PREX2: variants seen among roughly 807,000 people sequenced by gnomAD.
PREX2 encodes the protein phosphatidylinositol-3,4,5-trisphosphate dependent Rac exchange factor 2, also known as phosphatidylinositol 3,4,5-trisphosphate-dependent Rac exchanger 2 protein.
Under a neutral mutation model 203.2 loss-of-function variants are expected in PREX2, and 107 were observed. The ratio of observed to expected loss-of-function variants is 0.53; its 90% CI spans 0.45 to 0.62. The LOEUF (loss-of-function observed/expected upper bound fraction) is 0.62, where lower values mean the gene tolerates loss of function less well. PREX2 is among the 20% of genes least tolerant of loss of function. The pLI, the probability that PREX2 is intolerant of heterozygous loss-of-function variation, is 0.00. For synonymous variants in PREX2, 672 were observed against 663.6 expected, an observed-to-expected ratio of 1.01 and a Z score of -0.19; for missense variants, 1,777 against 1,955.9, an observed-to-expected ratio of 0.91 and a Z score of 1.72.
At chr8:67,961,703 A>C (rs1333299748) in intron 1 of PREX2, among the ~76,000 whole-genome samples, 1 of 152,182 alleles carries the variant, frequency 6.6e-6, no homozygotes, top group Non-Finnish European at 1.5e-5. Flanking sequence ...TTGAAATTTT[A>C]AGAAAATGAT....
intron 1 of PREX2, among the ~76,000 whole-genome samples, chr8:67,999,381 C>G (rs1277337939): frequency 6.8e-6 from 1 of 147,594 alleles, no homozygotes; most frequent in Non-Finnish European, 1.5e-5. Context: ...TTCTTGGACA[C>G]ACCTATTCTC....
At chr8:68,156,532 C>G (rs1360801315) in intron 34 of PREX2, among the ~76,000 whole-genome samples, 1 of 152,122 alleles carries the variant, frequency 6.6e-6, no homozygotes, top group Non-Finnish European at 1.5e-5. Flanking sequence ...TTCTCTCTAC[C>G]TTTCATAGTT....
intron 20 of PREX2, among the ~76,000 whole-genome samples, chr8:68,092,020 C>T (rs12549743): frequency 0.44 from 66,466 of 151,872 alleles, 14,952 homozygotes; most frequent in African/African-American, 0.54. Flanking sequence ...AGGTTACTGA[C>T]GTGGCTGCAT....
In PREX2 at chr8:68,119,497, G is replaced by A. The variant is rs1274713858; in HGVS notation, c.3487G>A (p.Glu1163Lys). Residue 1163 changes from glutamate (E) to lysine (K), a missense_variant, in exon 28 of 40, where the codon GAG (glutamate) becomes AAG (lysine). Glu to Lys is a moderately conservative substitution (Grantham distance 56, BLOSUM62 1). Coordinates refer to ENST00000288368, the MANE Select transcript of PREX2 (RefSeq NM_024870.4). ...DKQDKIHSCLEHLFSQVDSIT... is the reference protein window; with the variant it reads ...DKQDKIHSCLKHLFSQVDSIT... The stretch of plus-strand genomic sequence containing the variant: ...ACAGGACAAGATACATAGTTGCCTT[G>A]AGCATCTTTTCAGCCAGGTACAATC... 3 of 1,613,310 alleles carry A rather than the reference G, an allele frequency of 1.9e-6. No homozygotes were observed. In the African/African-American group the frequency reaches 4.0e-5, roughly 22 times the overall value.
intron 20 of PREX2, among the ~76,000 whole-genome samples, chr8:68,092,825 G>T (rs1249695288): frequency 6.6e-6 from 1 of 151,936 alleles, no homozygotes. Context: ...TTATTTTGTT[G>T]TCTTATTAAA....
chr8:68,100,322 G>T (rs1810222674), intron 23 of PREX2: 1 of 395,860 alleles, frequency 2.5e-6, no homozygotes, highest in Non-Finnish European at 4.9e-6. Flanking sequence ...ACTGTTCTAG[G>T]TTCCAGGAAT....
At chr8:68,018,430 G>A (rs2129610176) in intron 2 of PREX2, among the ~76,000 whole-genome samples, 1 of 152,212 alleles carries the variant, frequency 6.6e-6, no homozygotes, top group East Asian at 1.9e-4. Flanking sequence ...TGGCGCCATT[G>A]CACTCCAGCC....
At chr8:67,998,096 T>C (rs1043960893) in intron 1 of PREX2, among the ~76,000 whole-genome samples, 7 of 152,342 alleles carry the variant, frequency 4.6e-5, no homozygotes, top group African/African-American at 1.7e-4. Flanking sequence ...TTTTATAGCC[T>C]AGTTGTCAAA....
intron 34 of PREX2, among the ~76,000 whole-genome samples, chr8:68,152,116 C>T (rs757649464): frequency 4.6e-5 from 7 of 151,080 alleles, no homozygotes; most frequent in African/African-American, 7.3e-5. Context: ...GATGAAACCC[C>T]GTCTCTACTA....
At chr8:68,136,281 G>T (rs150509690) in intron 32 of PREX2, among the ~76,000 whole-genome samples, 26 of 152,082 alleles carry the variant, frequency 1.7e-4, no homozygotes, top group African/African-American at 5.8e-4. Flanking sequence ...AACTGGTCTT[G>T]TGAAACCCTT....
intron 15 of PREX2, among the ~76,000 whole-genome samples, chr8:68,079,882 AAAAG>A (rs1809460812): frequency 6.6e-6 from 1 of 152,200 alleles, no homozygotes; most frequent in Non-Finnish European, 1.5e-5. Flanking sequence ...TTTTAAACAG[AAAAG>A]AAACAGGAAT....
intron 11 of PREX2, among the ~76,000 whole-genome samples, chr8:68,065,815 A>G (rs1563526423): frequency 6.6e-6 from 1 of 152,226 alleles, no homozygotes; most frequent in Non-Finnish European, 1.5e-5. Flanking sequence ...TCTAAAACAG[A>G]CATTTTTTAT....
chr8:68,025,266 A>T (rs1452347675), intron 4 of PREX2, among the ~76,000 whole-genome samples: 1 of 151,858 alleles, frequency 6.6e-6, no homozygotes, highest in East Asian at 1.9e-4. Context: ...TTTTACTTGG[A>T]CATAGAACTT....
intron 1 of PREX2, among the ~76,000 whole-genome samples, chr8:67,992,022 T>C (rs1169852475): frequency 2.6e-5 from 4 of 152,220 alleles, no homozygotes; most frequent in Non-Finnish European, 5.9e-5. Context: ...ACAGAGGTAC[T>C]GAAAAGATAG....
rs756706936 is a variant in PREX2, at chr8:68,053,124, T to C, written c.971T>C (p.Val324Ala). 6.2e-7 allele frequency: 1 copy of C among 1,613,528 alleles called. No homozygotes were observed. The highest frequency in any genetic ancestry group is 1.1e-5 in the South Asian group (1 of 91,026). ...TADFHSSGHIVVNGWKIHNTA... is the reference protein window; with the variant it reads ...TADFHSSGHIAVNGWKIHNTA... ...GATTTCCATAGCAGTGGACACATTG[T>C]TGTTAATGGATGGAAGATACATAAC... The change falls in exon 9 of 40, where the codon GTT becomes GCT. Residue 324 changes from valine (V) to alanine (A), a missense_variant. Val to Ala is a moderately conservative substitution (Grantham distance 64). Coordinates refer to ENST00000288368, the MANE Select transcript of PREX2 (RefSeq NM_024870.4).
At chr8:68,006,619 C>T (rs1009874755) in intron 1 of PREX2, among the ~76,000 whole-genome samples, 17 of 152,126 alleles carry the variant, frequency 1.1e-4, no homozygotes, top group African/African-American at 3.9e-4. Context: ...GACTACACCC[C>T]CCAATATTGG....
At chr8:67,977,909 C>A (rs7818083) in intron 1 of PREX2, among the ~76,000 whole-genome samples, 1 of 151,868 alleles carries the variant, frequency 6.6e-6, no homozygotes, top group Non-Finnish European at 1.5e-5. Flanking sequence ...TGACTGTTTA[C>A]CTGTATCTTT....
intron 37 of PREX2, among the ~76,000 whole-genome samples, chr8:68,198,538 G>A (rs1047975292): frequency 6.6e-6 from 1 of 151,990 alleles, no homozygotes. Context: ...ATTTGTTTTG[G>A]TTCTTTATTC....
intron 1 of PREX2, among the ~76,000 whole-genome samples, chr8:67,994,453 T>C (rs1384094039): frequency 6.6e-6 from 1 of 152,218 alleles, no homozygotes. Context: ...GTTCTTTCAA[T>C]GATTGCAGCC....
Sources: gnomAD v4.1 joint callset for allele counts (sites outside exome capture counted in the v4.1 genomes callset) on GRCh38, gnomAD v4.1.1 for gene constraint, MANE v1.5 for transcripts, NCBI Gene and HGNC (gene_info 2026-07-23, HGNC 2026-07-21) for gene names.